The following PARP12 variants were observed in gnomAD, a reference collection of about 807,000 sequenced individuals.
PARP12 encodes poly(ADP-ribose) polymerase family member 12.
In PARP12, 59 loss-of-function variants were observed where a neutral mutation model predicts 72.4. The observed-to-expected ratio is 0.81, with a 90% CI of 0.66 to 1.01. PARP12 has a LOEUF of 1.01. PARP12 is among the 50% of genes least tolerant of loss of function. PARP12 has a pLI of 0.00. For synonymous variants in PARP12, 403 were observed against 371.4 expected (o/e 1.09, Z -0.98); for missense variants, 851 against 914.0 (o/e 0.93, Z 0.89).
chr7:140,038,283 T>C (rs758032962), intron 6 of PARP12: 2 of 985,342 alleles, frequency 2.0e-6, no homozygotes, highest in Non-Finnish European at 2.4e-6. Context: ...AGCTCGGTCC[T>C]CTTCCTTGCG....
chr7:140,030,163 GT>G (rs1391614180), intron 8 of PARP12, among the ~76,000 whole-genome samples: 4 of 152,314 alleles, frequency 2.6e-5, no homozygotes, highest in Admixed American at 1.3e-4. Context: ...AGAAGCACCT[GT>G]TAGACCAACA....
rs1817195905 is a variant in PARP12 at position 140,056,781 on chromosome 7, A to G, written c.760+75T>C. 3 of 1,416,498 alleles carry G rather than the reference A, an allele frequency of 2.1e-6. No individual in the cohort carries two copies. The South Asian group carries it at 4.2e-5, about 20-fold the overall frequency. 87.7% of individuals were successfully genotyped at this position (1,416,498 alleles called of 1,614,324 possible). The stretch of plus-strand genomic sequence containing the variant: ...AAGTCACACATTCCATGTAATGGCT[A>G]GCTGGAATCCGGGAACCCCCAGCCC... On this transcript the variant is annotated intron_variant, in intron 3 of 11. Transcript: ENST00000263549.
intron 9 of PARP12, chr7:140,027,660 T>C (rs1413261672): frequency 1.6e-5 from 5 of 320,788 alleles, no homozygotes; most frequent in Non-Finnish European, 1.8e-5. Flanking sequence ...ATATGGGAAA[T>C]TGGTTTCGTT....
intron 6 of PARP12, among the ~76,000 whole-genome samples, chr7:140,038,991 G>A (rs1288269745): frequency 6.6e-6 from 1 of 152,208 alleles, no homozygotes; most frequent in African/African-American, 2.4e-5. Flanking sequence ...ACCCAGCAAA[G>A]GTTTCTTGGA....
At chr7:140,028,956 T>A (rs1413679199) in intron 8 of PARP12, 1 of 307,124 alleles carries the variant, frequency 3.3e-6, no homozygotes, top group Non-Finnish European at 6.3e-6. Flanking sequence ...ATAAAAGGGA[T>A]GGAGTACATG....
chr7:140,045,204 A>T (rs949178173), intron 5 of PARP12, among the ~76,000 whole-genome samples: 8 of 151,888 alleles, frequency 5.3e-5, no homozygotes, highest in African/African-American at 1.9e-4. Context: ...TAATTTTTTT[A>T]AAAATTTTTG....
intron 9 of PARP12, 136 bp from the exon 10 acceptor site, chr7:140,027,542 G>GTT: frequency 9.6e-7 from 1 of 1,045,908 alleles, no homozygotes. Flanking sequence ...TTCTCCTGTG[G>GTT]TTTCTCCAGG....
At chr7:140,034,581 T>C (rs1298335550) in intron 7 of PARP12, 1 of 266,650 alleles carries the variant, frequency 3.8e-6, no homozygotes, top group East Asian at 1.1e-4. Flanking sequence ...TACACATGAG[T>C]GCTTTTAAAT....
Position 140,058,037 on chromosome 7 carries a change from G to A in PARP12, c.327-3C>T. ...TGTGACTATTCCTACAGTTCTTCCTGCAAAGAAGCAGAGCTGGTGTTATAT... is the reference window on the plus strand; with the variant it reads ...TGTGACTATTCCTACAGTTCTTCCTACAAAGAAGCAGAGCTGGTGTTATAT... On this transcript the variant is annotated splice_region_variant and splice_polypyrimidine_tract_variant and intron_variant, in intron 1 of 11. Coordinates refer to ENST00000263549, the MANE Select transcript of PARP12 (RefSeq NM_022750.4). 2 of 1,614,152 alleles carry A rather than the reference G, an allele frequency of 1.2e-6. No homozygotes were observed. Among genetic ancestry groups the A allele is most frequent in the Non-Finnish European group, 8.5e-7 (1 of 1,180,002 alleles).
Position 140,062,866 on chromosome 7 carries a change from C to G in PARP12, c.-19G>C. The G allele has an allele frequency of 7.9e-7, 1 of 1,265,636 alleles. No homozygotes were observed. Among genetic ancestry groups the G allele is most frequent in the Non-Finnish European group, 9.9e-7 (1 of 1,007,844 alleles). 78.4% of individuals were successfully genotyped at this position (1,265,636 alleles called of 1,614,324 possible). A position where few individuals can be genotyped will look rare whatever the true frequency, so the allele number is the denominator to read the frequency against. ...GGGCCATGGCCGCTGGGCCTGCTCC[C>G]GTCGGACCGCGGGTGGCGCGACGCG... On this transcript the variant is annotated 5_prime_UTR_variant, in exon 1 of 12. Transcript: ENST00000263549.
At chr7:140,039,754 G>A (rs1311949328) in intron 6 of PARP12, among the ~76,000 whole-genome samples, 1 of 152,144 alleles carries the variant, frequency 6.6e-6, no homozygotes, top group Non-Finnish European at 1.5e-5. Context: ...TGTAGGAAAG[G>A]GAGGACAAGA....
chr7:140,054,677 T>G lies in PARP12; in HGVS notation c.847A>C (p.Ser283Arg), dbSNP rs763361981. Residue 283 changes from serine (S) to arginine (R), a missense_variant, in exon 4 of 12, where the codon AGT becomes CGT. By Grantham distance (110) the Ser-to-Arg change is moderately radical. This residue lies in a region of PARP12 where 492 missense variants were observed against 489.3 expected (regional missense o/e 1.01). Coordinates refer to ENST00000263549, the MANE Select transcript of PARP12 (RefSeq NM_022750.4). ...DQICLYHIRK[S>R]CSFQDKCHRV... is the part of the protein sequence containing the mutation. The stretch of plus-strand genomic sequence containing the variant: ...TCCAACTTACCTTGAAAGCTACAAC[T>G]TTTCCGGATATGGTACAAACAGATC... 2 of 1,613,340 alleles carry G rather than the reference T, an allele frequency of 1.2e-6. No homozygotes were observed. The highest frequency in any genetic ancestry group is 1.7e-6 in the Non-Finnish European group (2 of 1,179,298).
chr7:140,059,340 G>C (rs1386363111), intron 1 of PARP12, among the ~76,000 whole-genome samples: 2 of 149,390 alleles, frequency 1.3e-5, no homozygotes, highest in African/African-American at 2.5e-5. Context: ...GGTTACATAT[G>C]TGCATGCGTG....
Position 140,052,732 on chromosome 7 carries a change from T to TTGTGTGTGTGTG in PARP12, c.862+1918_862+1929dup, listed in dbSNP as rs9340762. ...TCCACAAACTTTCTGAAGACCCCTT[T>TTGTGTGTGTGTG]TGTGTGTGTGTGTGTGTGTGTGTGT... On this transcript the variant is annotated intron_variant, in intron 4 of 11. Transcript: ENST00000263549. Among the ~76,000 whole-genome samples, 186 of 145,808 alleles carry TTGTGTGTGTGTG rather than the reference T, an allele frequency of 1.3e-3. 2 individuals are homozygous for TTGTGTGTGTGTG. Among genetic ancestry groups the TTGTGTGTGTGTG allele is most frequent in the Middle Eastern group, 3.4e-3 (1 of 290 alleles).
At chr7:140,030,605 A>ACATACATACATG (rs142926492) in intron 8 of PARP12, among the ~76,000 whole-genome samples, 12,220 of 152,150 alleles carry the variant, frequency 0.08, 794 homozygotes, top group African/African-American at 0.19. Context: ...CAAAATACAT[A>ACATACATACATG]CATACATACA....
In PARP12 at chr7:140,034,281, T is replaced by C; in HGVS notation, c.1375A>G (p.Arg459Gly). ...VYGTTKKVCR[R>G]PKYVSPQDVT... ...TCCTGGGGAGACACGTATTTGGGTC[T>C]GCGGCAAACCTTTTTAGTTGTGCCA... Residue 459 changes from arginine (R) to glycine (G), a missense_variant, in exon 8 of 12, where the codon AGA becomes GGA. By Grantham distance (125) the Arg-to-Gly change is moderately radical (BLOSUM62 -2). Around this residue, in one of 3 missense-constraint regions of PARP12, gnomAD observed 347 missense variants for 396.1 expected, o/e 0.88. Transcript: ENST00000263549. 1 of 1,613,448 alleles carries C rather than the reference T, an allele frequency of 6.2e-7. No individual in the cohort carries two copies. The highest frequency in any genetic ancestry group is 8.5e-7 in the Non-Finnish European group (1 of 1,179,604).
intron 6 of PARP12, among the ~76,000 whole-genome samples, chr7:140,041,191 T>C (rs947543446): frequency 6.6e-6 from 1 of 152,268 alleles, no homozygotes; most frequent in Non-Finnish European, 1.5e-5. Context: ...CTATACATGA[T>C]ATAAATCAAT....
chr7:140,038,223 G>A, intron 6 of PARP12: 2 of 985,454 alleles, frequency 2.0e-6, no homozygotes, highest in Non-Finnish European at 2.4e-6. Flanking sequence ...GGCAGCCCAA[G>A]CCAGGCTGGT....
In PARP12 at chr7:140,062,528, C is replaced by T. The variant is rs1265411966; in HGVS notation, c.320G>A (p.Arg107Lys). The T allele has an allele frequency of 3.2e-6, 5 of 1,550,702 alleles. No homozygotes were observed. The South Asian group carries it at 5.9e-5, about 18-fold the overall frequency. Reference protein sequence around the residue: ...FMVYGACKFLRAGKNCRNSHS... With the variant: ...FMVYGACKFLKAGKNCRNSHS... ...TCCCGGCGCGGCGCCTTACCCGGCTCTCAGGAACTTGCAGGCGCCGTAGAC... is the reference window on the plus strand; with the variant it reads ...TCCCGGCGCGGCGCCTTACCCGGCTTTCAGGAACTTGCAGGCGCCGTAGAC... Residue 107 changes from arginine to lysine, a missense_variant, in exon 1 of 12, where the codon AGA (arginine) becomes AAA (lysine). Arg to Lys is a conservative substitution (Grantham distance 26). Coordinates refer to ENST00000263549, the MANE Select transcript of PARP12 (RefSeq NM_022750.4).
Sources: allele counts gnomAD v4.1 joint callset (sites outside exome capture counted in the v4.1 genomes callset), GRCh38; gene constraint gnomAD v4.1.1; regional missense constraint gnomAD v4.1.1; transcripts MANE v1.5; gene names NCBI Gene and HGNC (gene_info 2026-07-23, HGNC 2026-07-21).